The following FAF1 variants were observed in gnomAD, a reference collection of about 807,000 sequenced individuals.
FAF1 encodes the protein FAS-associated factor 1.
Under a neutral mutation model 92.5 loss-of-function variants are expected in FAF1, and 25 were observed. The ratio of observed to expected loss-of-function variants is 0.27; its 90% CI spans 0.20 to 0.38. FAF1 has a LOEUF of 0.38. FAF1 is among the 10% of genes least tolerant of loss of function. FAF1 has a pLI of 1.00. For synonymous variants in FAF1, 234 were observed against 273.2 expected, an observed-to-expected ratio of 0.86 and a Z score of 1.42; for missense variants, 636 against 793.3, an observed-to-expected ratio of 0.80 and a Z score of 2.38.
chr1:50,581,938 A>C (rs1204812162), intron 12 of FAF1, among the ~76,000 whole-genome samples: 1 of 151,084 alleles, frequency 6.6e-6, no homozygotes, highest in Non-Finnish European at 1.5e-5. Flanking sequence ...ACAAATAGTG[A>C]TTAGAATCTT....
intron 1 of FAF1, among the ~76,000 whole-genome samples, chr1:50,891,760 C>A (rs1644722061): frequency 6.6e-6 from 1 of 152,238 alleles, no homozygotes; most frequent in South Asian, 2.1e-4. Context: ...AGGTGTCAGT[C>A]TGCCCCTACT....
intron 7 of FAF1, among the ~76,000 whole-genome samples, chr1:50,702,177 C>A (rs1416531404): frequency 3.9e-5 from 6 of 152,046 alleles, no homozygotes; most frequent in Non-Finnish European, 7.4e-5. Flanking sequence ...GACTTCATAT[C>A]CTTTTCCACA....
chr1:50,759,243 G>T (rs1438954436), intron 4 of FAF1, among the ~76,000 whole-genome samples: 1 of 151,350 alleles, frequency 6.6e-6, no homozygotes, highest in Non-Finnish European at 1.5e-5. Flanking sequence ...CTGGTGTGCT[G>T]CACCCATTAA....
intron 6 of FAF1, among the ~76,000 whole-genome samples, chr1:50,723,533 G>T (rs1447410279): frequency 1.3e-5 from 2 of 152,166 alleles, no homozygotes; most frequent in African/African-American, 2.4e-5. Context: ...AACAGGGAGA[G>T]AGGAGAGTAG....
chr1:50,732,113 C>T (rs1026793429), intron 6 of FAF1, among the ~76,000 whole-genome samples: 4 of 151,990 alleles, frequency 2.6e-5, no homozygotes, highest in East Asian at 3.9e-4. Flanking sequence ...CTGGCTCTGT[C>T]GCCCAGGCTG....
chr1:50,744,081 T>C (rs1291928840), intron 5 of FAF1, among the ~76,000 whole-genome samples: 4 of 150,094 alleles, frequency 2.7e-5, no homozygotes, highest in East Asian at 3.9e-4. Flanking sequence ...AAAAAAAAAG[T>C]GTGTAAAAAA....
intron 15 of FAF1, among the ~76,000 whole-genome samples, chr1:50,524,889 T>A (rs1404479963): frequency 2.0e-5 from 3 of 152,002 alleles, no homozygotes; most frequent in Non-Finnish European, 4.4e-5. Flanking sequence ...TGGTCCCATA[T>A]GAATTTTTTT....
chr1:50,727,023 T>C (rs986707548), intron 6 of FAF1, among the ~76,000 whole-genome samples: 94 of 152,362 alleles, frequency 6.2e-4, no homozygotes, highest in African/African-American at 2.2e-3. Context: ...GTTATATTTA[T>C]ACATGGCCTT....
intron 8 of FAF1, among the ~76,000 whole-genome samples, chr1:50,615,136 T>G (rs1201615885): frequency 3.9e-5 from 6 of 152,184 alleles, no homozygotes; most frequent in Non-Finnish European, 5.9e-5. Context: ...GAACACACAG[T>G]GTTTGGTTGT....
At chr1:50,888,681 T>C (rs1316895622) in intron 1 of FAF1, among the ~76,000 whole-genome samples, 1 of 152,228 alleles carries the variant, frequency 6.6e-6, no homozygotes, top group Non-Finnish European at 1.5e-5. Context: ...GATTTGCGTA[T>C]GTCGAACGAG....
chr1:50,475,724 A>C, intron 17 of FAF1, 45 bp from the exon 18 acceptor site: 1 of 1,357,004 alleles, frequency 7.4e-7, no homozygotes, highest in Non-Finnish European at 1.0e-6. Flanking sequence ...GAAGGACTGG[A>C]CTATGGAGAG....
At chr1:50,481,888 T>C (rs946002592) in intron 17 of FAF1, among the ~76,000 whole-genome samples, 3 of 151,786 alleles carry the variant, frequency 2.0e-5, no homozygotes, top group Admixed American at 1.3e-4. Flanking sequence ...GTGGCGGGAA[T>C]GGAATGAGCA....
intron 1 of FAF1, among the ~76,000 whole-genome samples, chr1:50,921,085 T>C (rs1049361754): frequency 1.3e-5 from 2 of 152,214 alleles, no homozygotes; most frequent in East Asian, 1.9e-4. Context: ...AAAATACATC[T>C]ATGACAAAAG....
At chr1:50,777,300 T>TCC (rs1034485752) in intron 4 of FAF1, among the ~76,000 whole-genome samples, 1 of 151,084 alleles carries the variant, frequency 6.6e-6, no homozygotes, top group Non-Finnish European at 1.5e-5. Context: ...GCGCCTGTAG[T>TCC]CCCAGCACTC....
At chr1:50,484,510 A>G (rs1646740770) in intron 17 of FAF1, among the ~76,000 whole-genome samples, 1 of 152,128 alleles carries the variant, frequency 6.6e-6, no homozygotes, top group South Asian at 2.1e-4. Context: ...ACCTTATTGA[A>G]TTGTAAAAAT....
At chr1:50,457,326 C>A (rs1244718687) in intron 18 of FAF1, among the ~76,000 whole-genome samples, 1 of 152,040 alleles carries the variant, frequency 6.6e-6, no homozygotes, top group Non-Finnish European at 1.5e-5. Flanking sequence ...GCGGTGAGGT[C>A]CTGGGGAATC....
chr1:50,863,807 A>T lies in FAF1; in HGVS notation c.46-5810T>A, dbSNP rs909167980. ...CAGTTCCTCCTTGTACCTCTGGTAG[A>T]ATTCGGCTGTGAATCCATCTGGTCC... is the stretch of plus-strand genomic sequence containing the variant. On this transcript the variant is annotated intron_variant, in intron 1 of 18. Transcript: ENST00000396153. Among the ~76,000 whole-genome samples, 5 of 152,160 alleles carry T rather than the reference A, an allele frequency of 3.3e-5. No homozygotes were observed. In the East Asian group the frequency reaches 9.7e-4, roughly 29 times the overall value.
chr1:50,926,738 G>A (rs573235845), intron 1 of FAF1, among the ~76,000 whole-genome samples: 21 of 152,192 alleles, frequency 1.4e-4, no homozygotes, highest in South Asian at 2.1e-4. Flanking sequence ...AAAAATTACC[G>A]TATGATCCAG....
chr1:50,901,645 C>T (rs1326048962), intron 1 of FAF1, among the ~76,000 whole-genome samples: 1 of 152,114 alleles, frequency 6.6e-6, no homozygotes, highest in Non-Finnish European at 1.5e-5. Flanking sequence ...GCAGGTGGAT[C>T]ACTTTGAGCT....
Sources: allele counts gnomAD v4.1 joint callset (sites outside exome capture counted in the v4.1 genomes callset), GRCh38; gene constraint gnomAD v4.1.1; transcripts MANE v1.5; gene names NCBI Gene and HGNC (gene_info 2026-07-23, HGNC 2026-07-21).